FIG4: variants seen among roughly 807,000 people sequenced by gnomAD.
FIG4 encodes the protein polyphosphoinositide phosphatase.
A neutral mutation model predicts 118.6 loss-of-function variants in FIG4; 112 were observed. The observed-to-expected ratio is 0.94, with a 90% confidence interval of 0.81 to 1.11. FIG4 has a LOEUF of 1.11. Ranked by LOEUF, FIG4 falls within the 50% of genes least tolerant of loss-of-function variation. FIG4 has a pLI of 0.00. For missense variants in FIG4, 969 were observed against 1,111.7 expected, an observed-to-expected ratio of 0.87 and a Z score of 1.83; for synonymous variants, 369 against 381.2, an observed-to-expected ratio of 0.97 and a Z score of 0.37.
chr6:109,786,567 TC>T, intron 18 of FIG4, 118 bp downstream of exon 18: 2 of 1,096,842 alleles, frequency 1.8e-6, no homozygotes, highest in Non-Finnish European at 2.8e-6. Context: ...AGGTGGGTAG[TC>T]CACCTTTGAA....
chr6:109,801,091 A>G (rs531999677), intron 22 of FIG4, among the ~76,000 whole-genome samples: 151 of 152,252 alleles, frequency 9.9e-4, no homozygotes, highest in Non-Finnish European at 1.9e-3. Context: ...GCATGAACAC[A>G]TATCATTAGT....
chr6:109,722,525 G>GAC lies in FIG4; in HGVS notation c.290-4572_290-4571dup, dbSNP rs574259210. Among the ~76,000 whole-genome samples, 855 of 151,850 alleles carry GAC rather than the reference G, an allele frequency of 5.6e-3. 8 individuals are homozygous for GAC. The highest frequency in any genetic ancestry group is 0.02 in the African/African-American group (824 of 41,440). ...ATAGACTATAACACTCTGAGAGAGA[G>GAC]ACACACACACACATACAGAGAGAGA... On this transcript the variant is annotated intron_variant, in intron 3 of 22. Transcript: ENST00000230124.
At chr6:109,821,463 A>G (rs1173975158) in intron 22 of FIG4, among the ~76,000 whole-genome samples, 3 of 152,250 alleles carry the variant, frequency 2.0e-5, no homozygotes, top group African/African-American at 7.2e-5. Flanking sequence ...TGCCAGAAAG[A>G]CAAGTTAATA....
At chr6:109,750,245 T>G (rs896584628) in intron 10 of FIG4, among the ~76,000 whole-genome samples, 1 of 152,230 alleles carries the variant, frequency 6.6e-6, no homozygotes, top group Non-Finnish European at 1.5e-5. Context: ...TGCTACTGTA[T>G]CAACAGAAGG....
In FIG4 at chr6:109,727,158, G is replaced by A; in HGVS notation, c.339G>A (p.Arg113=). ...EGYYIVLITK[R]RKMADIGGHA... is the part of the protein sequence containing the mutation. ...ATTATATTGTGTTAATAACTAAAAG[G>A]AGGAAGATGGCGGATATTGGAGGTC... Residue 113 remains arginine (R), a synonymous_variant, in exon 4 of 23, where the codon AGG becomes AGA. Coordinates refer to ENST00000230124, the MANE Select transcript of FIG4 (RefSeq NM_014845.6). 1.2e-6 allele frequency: 2 copies of A among 1,611,522 alleles called. No individual in the cohort carries two copies. The highest frequency in any genetic ancestry group is 1.7e-6 in the Non-Finnish European group (2 of 1,177,664).
intron 10 of FIG4, among the ~76,000 whole-genome samples, chr6:109,757,631 A>G (rs1486011334): frequency 6.6e-6 from 1 of 152,188 alleles, no homozygotes; most frequent in Non-Finnish European, 1.5e-5. Flanking sequence ...GGCAAGAGAA[A>G]GAAATAAGGG....
intron 22 of FIG4, among the ~76,000 whole-genome samples, chr6:109,817,563 G>A (rs1562700073): frequency 7.9e-6 from 1 of 126,462 alleles, no homozygotes; most frequent in South Asian, 2.7e-4. Flanking sequence ...CTCTCAGAGA[G>A]TGTGTAAAAA....
At chr6:109,819,160 G>A (rs1778937485) in intron 22 of FIG4, among the ~76,000 whole-genome samples, 1 of 152,214 alleles carries the variant, frequency 6.6e-6, no homozygotes, top group Admixed American at 6.5e-5. Flanking sequence ...AATAAAGACT[G>A]CCTCTGCTCC....
chr6:109,788,881 A>G (rs1301418938), intron 18 of FIG4, among the ~76,000 whole-genome samples: 4 of 152,202 alleles, frequency 2.6e-5, no homozygotes, highest in Non-Finnish European at 4.4e-5. Context: ...TTTGGCATCT[A>G]CTGTGGAATC....
intron 1 of FIG4, among the ~76,000 whole-genome samples, chr6:109,710,655 A>T (rs969539060): frequency 6.6e-6 from 1 of 151,692 alleles, no homozygotes; most frequent in Non-Finnish European, 1.5e-5. Flanking sequence ...TCAGTTTCAG[A>T]GCTTATTACT....
chr6:109,816,982 A>C (rs1334523266), intron 22 of FIG4, among the ~76,000 whole-genome samples: 1 of 152,232 alleles, frequency 6.6e-6, no homozygotes, highest in Non-Finnish European at 1.5e-5. Context: ...GTTCTAGGAA[A>C]TGTGAGGACA....
intron 10 of FIG4, among the ~76,000 whole-genome samples, chr6:109,752,780 T>G (rs941891333): frequency 2.0e-5 from 3 of 152,210 alleles, no homozygotes; most frequent in African/African-American, 2.4e-5. Flanking sequence ...TTTCTCCCAT[T>G]TTGTAGGTTG....
chr6:109,752,803 G>A (rs1158980582), intron 10 of FIG4, among the ~76,000 whole-genome samples: 1 of 152,190 alleles, frequency 6.6e-6, no homozygotes, highest in Admixed American at 6.5e-5. Flanking sequence ...TGTTCACTCT[G>A]ATGGTAGTTT....
chr6:109,736,293 A>G (rs1776158234), intron 6 of FIG4, among the ~76,000 whole-genome samples: 1 of 152,174 alleles, frequency 6.6e-6, no homozygotes, highest in Non-Finnish European at 1.5e-5. Flanking sequence ...ATGGTTTGCC[A>G]AAGGTTGTGA....
chr6:109,692,395 G>A (rs1001377564), intron 1 of FIG4, among the ~76,000 whole-genome samples: 27 of 152,230 alleles, frequency 1.8e-4, no homozygotes, highest in African/African-American at 5.1e-4. Context: ...CTGAAACTTG[G>A]GTTGTCTCCA....
intron 3 of FIG4, among the ~76,000 whole-genome samples, chr6:109,723,237 G>A (rs74588481): frequency 0.01 from 1,531 of 152,150 alleles, 8 homozygotes; most frequent in Non-Finnish European, 0.015. Context: ...TTTCAGAAGT[G>A]TCACCTCTTC....
At chr6:109,697,971 C>A (rs1228975387) in intron 1 of FIG4, among the ~76,000 whole-genome samples, 1 of 151,766 alleles carries the variant, frequency 6.6e-6, no homozygotes, top group Non-Finnish European at 1.5e-5. Context: ...TCACTGCAAC[C>A]TCTGCCTCCT....
At chr6:109,703,844 G>T (rs1455866139) in intron 1 of FIG4, among the ~76,000 whole-genome samples, 1 of 152,124 alleles carries the variant, frequency 6.6e-6, no homozygotes, top group East Asian at 1.9e-4. Flanking sequence ...AGTCCACCTC[G>T]TGCTGGGGTT....
intron 10 of FIG4, among the ~76,000 whole-genome samples, chr6:109,757,719 A>G (rs950683420): frequency 6.6e-6 from 1 of 152,102 alleles, no homozygotes; most frequent in Admixed American, 6.6e-5. Context: ...AAACCCCATC[A>G]TCTCAGCCCA....
Sources: gnomAD v4.1 joint callset for allele counts (sites outside exome capture counted in the v4.1 genomes callset) on GRCh38, gnomAD v4.1.1 for gene constraint, MANE v1.5 for transcripts, NCBI Gene and HGNC (gene_info 2026-07-23, HGNC 2026-07-21) for gene names.